The following TNFAIP6 variants were observed in gnomAD, a reference collection of about 807,000 sequenced individuals.
TNFAIP6 encodes the protein TNF alpha induced protein 6.
TNFAIP6 carries 36 observed loss-of-function variants against 33.7 expected under a neutral mutation model. The ratio of observed to expected loss-of-function variants is 1.07; its 90% confidence interval spans 0.82 to 1.41. TNFAIP6 has a LOEUF of 1.41. TNFAIP6 is among the 40% of genes most tolerant of loss of function. TNFAIP6 has a pLI of 0.00. For missense variants in TNFAIP6, 273 were observed against 331.9 expected (o/e 0.82, Z 1.38); for synonymous variants, 113 against 112.8 (o/e 1.00, Z -0.01).
At chr2:151,376,023 A>G (rs1684900352) in intron 5 of TNFAIP6, among the ~76,000 whole-genome samples, 1 of 152,116 alleles carries the variant, frequency 6.6e-6, no homozygotes, top group African/African-American at 2.4e-5. Flanking sequence ...AGGCGGGTGG[A>G]TCACTTAAGA....
At chr2:151,374,619 G>A (rs1558901408) in intron 5 of TNFAIP6, among the ~76,000 whole-genome samples, 1 of 152,078 alleles carries the variant, frequency 6.6e-6, no homozygotes, top group Non-Finnish European at 1.5e-5. Flanking sequence ...GGAACTTCCT[G>A]CTCTGTTATC....
rs190583253 is a variant in TNFAIP6, at chr2:151,379,164, G to A, written c.665-200G>A. Among the ~76,000 whole-genome samples the A allele has an allele frequency of 1.4e-4, 21 of 152,236 alleles. No homozygotes were observed. In the East Asian group the frequency reaches 3.7e-3, roughly 27 times the overall value. On this transcript the variant is annotated intron_variant, in intron 5 of 5. Coordinates refer to ENST00000243347, the MANE Select transcript of TNFAIP6 (RefSeq NM_007115.4). ...CTGTAGGATAGATTGGAGGACCAAA[G>A]GAAAAAATACAAACGTCTCTCACCC...
intron 2 of TNFAIP6, 83 bp from the exon 3 acceptor site, chr2:151,365,973 G>A (rs1684701621): frequency 2.3e-6 from 3 of 1,333,252 alleles, no homozygotes; most frequent in East Asian, 4.6e-5. Flanking sequence ...CTTACTATTG[G>A]AAGTGGCTAT....
At chr2:151,377,274 A>G (rs1161003132) in intron 5 of TNFAIP6, among the ~76,000 whole-genome samples, 1 of 151,136 alleles carries the variant, frequency 6.6e-6, no homozygotes, top group Non-Finnish European at 1.5e-5. Flanking sequence ...GGTTCACGCC[A>G]TTCTCCTGCC....
rs1364961972 is a variant in TNFAIP6, at chr2:151,364,075, A to C, written c.227A>C (p.Lys76Thr). The change falls in exon 2 of 6, where the codon AAA (lysine) becomes ACA (threonine). Residue 76 changes from lysine to threonine, a missense_variant. Coordinates refer to ENST00000243347, the MANE Select transcript of TNFAIP6 (RefSeq NM_007115.4). ...TACAAGCAGCTAGAGGCAGCCAGAA[A>C]AATTGGTAACTGATTTCACAATGAT... ...ATYKQLEAAR[K>T]IGFHVCAAGW... 6.2e-7 allele frequency: 1 copy of C among 1,612,982 alleles called. No homozygotes were observed. The highest frequency in any genetic ancestry group is 8.5e-7 in the Non-Finnish European group (1 of 1,179,784).
intron 3 of TNFAIP6, 74 bp downstream of exon 3, chr2:151,366,291 G>A: frequency 7.4e-7 from 1 of 1,354,182 alleles, no homozygotes; most frequent in Admixed American, 2.3e-5. Context: ...AAAAAGAAAT[G>A]GCTACTTTTT....
chr2:151,358,355 C>G (rs1019458900), intron 1 of TNFAIP6, among the ~76,000 whole-genome samples: 2 of 152,154 alleles, frequency 1.3e-5, no homozygotes, highest in Admixed American at 1.3e-4. Context: ...ACTTTTCTGA[C>G]CCTTTTGTTA....
chr2:151,361,931 A>G (rs1051736200), intron 1 of TNFAIP6, among the ~76,000 whole-genome samples: 1 of 152,162 alleles, frequency 6.6e-6, no homozygotes, highest in Non-Finnish European at 1.5e-5. Flanking sequence ...GGATCCTTGG[A>G]GTTCAGAAAA....
At chr2:151,359,042 A>G (rs1288347021) in intron 1 of TNFAIP6, among the ~76,000 whole-genome samples, 3 of 152,222 alleles carry the variant, frequency 2.0e-5, no homozygotes, top group African/African-American at 4.8e-5. Flanking sequence ...AAGTGTTGTC[A>G]TATGTTACAA....
At chr2:151,376,495 A>C (rs1684909518) in intron 5 of TNFAIP6, among the ~76,000 whole-genome samples, 1 of 152,016 alleles carries the variant, frequency 6.6e-6, no homozygotes, top group Non-Finnish European at 1.5e-5. Context: ...ATATAAAAGT[A>C]AGGATGTGCC....
intron 5 of TNFAIP6, among the ~76,000 whole-genome samples, chr2:151,378,792 G>T (rs1344252206): frequency 6.7e-6 from 1 of 150,290 alleles, no homozygotes; most frequent in Non-Finnish European, 1.5e-5. Context: ...CCCAGCCCAA[G>T]AGTACCTTTT....
intron 5 of TNFAIP6, among the ~76,000 whole-genome samples, chr2:151,377,765 C>T (rs2152019570): frequency 6.6e-6 from 1 of 152,074 alleles, no homozygotes; most frequent in African/African-American, 2.4e-5. Context: ...GAGATATTAA[C>T]CCTATTTTCT....
chr2:151,380,274 A>G (rs1202754425), downstream of TNFAIP6, among the ~76,000 whole-genome samples: 1 of 151,928 alleles, frequency 6.6e-6, no homozygotes, highest in Admixed American at 6.6e-5. Context: ...TTAAAAACTG[A>G]TATAATCTTC....
Position 151,374,129 on chromosome 2 carries a change from C to T in TNFAIP6, c.664+540C>T, listed in dbSNP as rs1684861244. Among the ~76,000 whole-genome samples, 3 of 152,106 alleles carry T rather than the reference C, an allele frequency of 2.0e-5. No individual in the cohort carries two copies. In the South Asian group the frequency reaches 6.2e-4, roughly 32 times the overall value. On this transcript the variant is annotated intron_variant, in intron 5 of 5. Coordinates refer to ENST00000243347, the MANE Select transcript of TNFAIP6 (RefSeq NM_007115.4). ...AAACGTTGGGTTAAACAATATCAAA[C>T]AGGTTTCTTCACTGGAAGACAGCAG...
intron 5 of TNFAIP6, among the ~76,000 whole-genome samples, chr2:151,377,464 C>T (rs541010906): frequency 1.5e-5 from 2 of 132,370 alleles, no homozygotes; most frequent in East Asian, 2.4e-4. Flanking sequence ...CCACCGTGCC[C>T]GGCCATTTTT....
chr2:151,368,947 C>T (rs533098111), intron 3 of TNFAIP6, among the ~76,000 whole-genome samples: 1 of 152,188 alleles, frequency 6.6e-6, no homozygotes, highest in South Asian at 2.1e-4. Flanking sequence ...AATCCCAACA[C>T]TTTGGGAAGC....
chr2:151,366,279 T>G, intron 3 of TNFAIP6, 62 bp downstream of exon 3: 1 of 1,479,726 alleles, frequency 6.8e-7, no homozygotes, highest in Non-Finnish European at 9.2e-7. Flanking sequence ...AAGAGGTTGT[T>G]AAAAAAGAAA....
At chr2:151,378,674 A>C (rs1684961405) in intron 5 of TNFAIP6, among the ~76,000 whole-genome samples, 1 of 151,756 alleles carries the variant, frequency 6.6e-6, no homozygotes, top group South Asian at 2.1e-4. Flanking sequence ...TTTTTAATAG[A>C]GACGGGGATT....
intron 2 of TNFAIP6, 24 bp downstream of exon 2, chr2:151,364,104 T>C: frequency 1.2e-6 from 2 of 1,611,004 alleles, no homozygotes; most frequent in Non-Finnish European, 8.5e-7. Flanking sequence ...CAATGATTTT[T>C]CTTCTTTTTT....
Sources: allele counts gnomAD v4.1 joint callset (sites outside exome capture counted in the v4.1 genomes callset), GRCh38; gene constraint gnomAD v4.1.1; transcripts MANE v1.5; gene names NCBI Gene and HGNC (gene_info 2026-07-23, HGNC 2026-07-21).